NUP62CL: variants seen among roughly 807,000 people sequenced by gnomAD.
NUP62CL encodes the protein nucleoporin 62 C-terminal like.
NUP62CL carries 13 observed loss-of-function variants against 15.3 expected under a neutral mutation model. The ratio of observed to expected loss-of-function variants is 0.85; its 90% CI spans 0.55 to 1.35. The LOEUF (loss-of-function observed/expected upper bound fraction) is 1.35, where lower values mean the gene tolerates loss of function less well. Among genes scored for constraint, NUP62CL ranks in the 40% most tolerant of loss-of-function variants. The pLI, the probability that NUP62CL is intolerant of heterozygous loss-of-function variation, is 0.00. For missense variants in NUP62CL, 123 were observed against 130.6 expected (o/e 0.94, Z 0.28); for synonymous variants, 54 against 49.2 (o/e 1.10, Z -0.41).
chrX:107,162,987 C>T (rs756348968), intron 4 of NUP62CL, among the ~76,000 whole-genome samples: 1 of 111,843 alleles, frequency 8.9e-6, no homozygotes, highest in African/African-American at 3.3e-5. Context: ...CTGCTGCTCA[C>T]CTCTTGCTGT....
At chrX:107,204,748 A>ACACACAAG (rs1927584598) in intron 1 of NUP62CL, among the ~76,000 whole-genome samples, 1 of 94,645 alleles carries the variant, frequency 1.1e-5, no homozygotes, top group Non-Finnish European at 2.0e-5. Flanking sequence ...TAAATAAATT[A>ACACACAAG]TTTAAATAAA....
At chrX:107,178,934 A>C (rs180839743) in intron 2 of NUP62CL, among the ~76,000 whole-genome samples, 1 of 109,722 alleles carries the variant, frequency 9.1e-6, no homozygotes, top group East Asian at 2.9e-4. Context: ...TCTACTAAAA[A>C]TAAAAAAAAA....
chrX:107,129,863 CAA>C (rs1221306131), intron 8 of NUP62CL, among the ~76,000 whole-genome samples: 8 of 111,777 alleles, frequency 7.2e-5, no homozygotes, highest in Non-Finnish European at 1.1e-4. Flanking sequence ...TTAATATCCT[CAA>C]AGAGATAATA....
chrX:107,161,925 G>A (rs1442901478), intron 4 of NUP62CL, among the ~76,000 whole-genome samples: 1 of 105,130 alleles, frequency 9.5e-6, no homozygotes, highest in Admixed American at 1.0e-4. Flanking sequence ...ATCAGATGTT[G>A]GAATTATCTG....
intron 1 of NUP62CL, among the ~76,000 whole-genome samples, chrX:107,204,959 T>G (rs1487587845): frequency 9.2e-6 from 1 of 108,142 alleles, no homozygotes; most frequent in Non-Finnish European, 1.9e-5. Context: ...TTTATTTAAA[T>G]AAATTTTAAA....
At chrX:107,185,196 C>CAA (rs3072235) in intron 2 of NUP62CL, among the ~76,000 whole-genome samples, 1,474 of 20,814 alleles carry the variant, frequency 0.071, 411 homozygotes, top group African/African-American at 0.2. Flanking sequence ...GACTCCGTCT[C>CAA]AAAAAAAAAA....
intron 4 of NUP62CL, among the ~76,000 whole-genome samples, chrX:107,164,396 G>C (rs1470406715): frequency 1.8e-5 from 2 of 110,365 alleles, no homozygotes; most frequent in Admixed American, 1.9e-4. Flanking sequence ...TTAAAAAATA[G>C]GAAAAATCTC....
chrX:107,190,721 G>C (rs1052557613), intron 2 of NUP62CL, among the ~76,000 whole-genome samples: 1 of 111,248 alleles, frequency 9.0e-6, no homozygotes, highest in Non-Finnish European at 1.9e-5. Flanking sequence ...GACGAAAGGA[G>C]CTATTGGTTG....
intron 1 of NUP62CL, among the ~76,000 whole-genome samples, chrX:107,193,611 T>C (rs1927296417): frequency 9.0e-6 from 1 of 110,560 alleles, no homozygotes; most frequent in African/African-American, 3.3e-5. Flanking sequence ...TAGGAGTTGA[T>C]AAAACCTTCA....
At chrX:107,139,079 T>A (rs1394264470) in intron 8 of NUP62CL, among the ~76,000 whole-genome samples, 1 of 111,822 alleles carries the variant, frequency 8.9e-6, no homozygotes, top group Non-Finnish European at 1.9e-5. Flanking sequence ...ATGACTCTAT[T>A]TATGTATTTT....
At chrX:107,184,653 G>A (rs969135504) in intron 2 of NUP62CL, among the ~76,000 whole-genome samples, 2 of 111,491 alleles carry the variant, frequency 1.8e-5, no homozygotes, top group East Asian at 5.6e-4. Flanking sequence ...AGAGGGTAGC[G>A]CTAAAAAGTA....
chrX:107,153,921 T>A (rs1220474217), intron 5 of NUP62CL, among the ~76,000 whole-genome samples, 175 bp downstream of exon 5: 1 of 111,442 alleles, frequency 9.0e-6, no homozygotes, highest in Non-Finnish European at 1.9e-5. Flanking sequence ...TGCAGTGAGC[T>A]GTAATTGCAC....
At chrX:107,155,719 C>T (rs1313474682) in intron 4 of NUP62CL, among the ~76,000 whole-genome samples, 1 of 112,335 alleles carries the variant, frequency 8.9e-6, no homozygotes, top group Non-Finnish European at 1.9e-5. Context: ...ACTTTCCTAA[C>T]ATAATAGACA....
intron 4 of NUP62CL, among the ~76,000 whole-genome samples, 174 bp from the exon 5 acceptor site, chrX:107,154,420 C>G (rs935337107): frequency 9.0e-6 from 1 of 111,223 alleles, no homozygotes; most frequent in African/African-American, 3.3e-5. Flanking sequence ...AAAAACAACC[C>G]CTCAAAGTCA....
intron 8 of NUP62CL, among the ~76,000 whole-genome samples, chrX:107,147,006 AGAACAAAG>A (rs1925897555): frequency 1.8e-5 from 2 of 111,783 alleles, no homozygotes; most frequent in South Asian, 7.5e-4. Context: ...TTCTGTGTAT[AGAACAAAG>A]GAACAGGAAT....
At chrX:107,167,819 G>T in intron 3 of NUP62CL, 35 bp from the exon 4 acceptor site, 3 of 1,146,270 alleles carry the variant, frequency 2.6e-6, no homozygotes, top group Non-Finnish European at 3.5e-6. Context: ...AGTAAGAAAT[G>T]AGAAATTTGT....
chrX:107,180,673 T>C (rs765294710), intron 2 of NUP62CL, among the ~76,000 whole-genome samples: 5 of 111,266 alleles, frequency 4.5e-5, no homozygotes, highest in Non-Finnish European at 7.5e-5. Context: ...AACAAACTCA[T>C]GAAGAAGCTC....
intron 1 of NUP62CL, among the ~76,000 whole-genome samples, chrX:107,193,921 A>T (rs1211205777): frequency 9.0e-6 from 1 of 111,546 alleles, no homozygotes; most frequent in African/African-American, 3.3e-5. Context: ...AAATCCAAGA[A>T]ACGCCTAACA....
intron 3 of NUP62CL, among the ~76,000 whole-genome samples, chrX:107,171,778 T>C (rs1249242536): frequency 9.0e-6 from 1 of 110,829 alleles, no homozygotes; most frequent in African/African-American, 3.3e-5. Flanking sequence ...GGAAGGAATT[T>C]GAGACTTATA....
Sources: gnomAD v4.1 joint callset for allele counts (sites outside exome capture counted in the v4.1 genomes callset) on GRCh38, gnomAD v4.1.1 for gene constraint, MANE v1.5 for transcripts, NCBI Gene and HGNC (gene_info 2026-07-23, HGNC 2026-07-21) for gene names.